Variants in STIM2 observed in about 807,000 individuals in gnomAD.
STIM2 encodes stromal interaction molecule 2.
A neutral mutation model predicts 85.8 loss-of-function variants in STIM2; 31 were observed. The ratio of observed to expected loss-of-function variants is 0.36; its 90% confidence interval spans 0.27 to 0.49. The LOEUF (loss-of-function observed/expected upper bound fraction) is 0.49, where lower values mean the gene tolerates loss of function less well. STIM2 is among the 20% of genes least tolerant of loss of function. The pLI, the probability that STIM2 is intolerant of heterozygous loss-of-function variation, is 0.98. For synonymous variants in STIM2, 356 were observed against 331.1 expected, an observed-to-expected ratio of 1.08 and a Z score of -0.82; for missense variants, 841 against 927.6, an observed-to-expected ratio of 0.91 and a Z score of 1.21.
At chr4:26,976,797 C>G (rs1298524956) in intron 3 of STIM2, among the ~76,000 whole-genome samples, 1 of 152,080 alleles carries the variant, frequency 6.6e-6, no homozygotes, top group African/African-American at 2.4e-5. Context: ...GAGTGGGACT[C>G]TGTCTCAAAA....
chr4:26,998,784 T>C (rs1234831639), intron 4 of STIM2, among the ~76,000 whole-genome samples: 1 of 151,782 alleles, frequency 6.6e-6, no homozygotes, highest in Non-Finnish European at 1.5e-5. Context: ...TGGTGGCACG[T>C]GCCTGTAGTC....
intron 2 of STIM2, among the ~76,000 whole-genome samples, chr4:26,941,459 C>T (rs1725609271): frequency 6.6e-6 from 1 of 151,994 alleles, no homozygotes; most frequent in East Asian, 1.9e-4. Context: ...AGTTACAGAG[C>T]ATATGTTTGG....
chr4:26,944,473 C>G (rs558077478), intron 2 of STIM2, among the ~76,000 whole-genome samples: 1 of 152,132 alleles, frequency 6.6e-6, no homozygotes, highest in South Asian at 2.1e-4. Context: ...TTGCTCTATT[C>G]CCACCATTGG....
At chr4:26,909,744 A>G (rs1318925400) in intron 1 of STIM2, among the ~76,000 whole-genome samples, 1 of 152,236 alleles carries the variant, frequency 6.6e-6, no homozygotes. Context: ...CACTGCGTAC[A>G]TCATAATGTT....
At chr4:26,893,179 A>G (rs1309734212) in intron 1 of STIM2, among the ~76,000 whole-genome samples, 2 of 152,212 alleles carry the variant, frequency 1.3e-5, no homozygotes. Flanking sequence ...ATGTAGTCTA[A>G]TGAATAATAA....
chr4:26,871,448 A>G (rs1253367399), intron 1 of STIM2, among the ~76,000 whole-genome samples: 4 of 152,190 alleles, frequency 2.6e-5, no homozygotes, highest in Non-Finnish European at 5.9e-5. Flanking sequence ...CTTCTGGTAA[A>G]TAACAAAATT....
Position 27,023,843 on chromosome 4 carries a change from AGCCGAGG to A in STIM2, c.*848_*854del, listed in dbSNP as rs1728996857. 6.6e-6 allele frequency: 1 copy of A among 152,642 alleles called. No homozygotes were observed. 9.5% of individuals were successfully genotyped at this position (152,642 alleles called of 1,614,324 possible). A position where few individuals can be genotyped will look rare whatever the true frequency, so the allele number is the denominator to read the frequency against. ...AGGACTTAAAACATTCACAACCTTA[AGCCGAGG>A]TGGGGGGATATGGGGATTCAGGCAA... is the stretch of plus-strand genomic sequence containing the variant. On this transcript the variant is annotated 3_prime_UTR_variant, in exon 12 of 12. Transcript: ENST00000467087.
At chr4:26,910,988 G>C (rs1054362154) in intron 1 of STIM2, among the ~76,000 whole-genome samples, 2 of 152,176 alleles carry the variant, frequency 1.3e-5, no homozygotes, top group Admixed American at 1.3e-4. Context: ...TGTAATCCCA[G>C]CACTTTGAGA....
intron 1 of STIM2, among the ~76,000 whole-genome samples, chr4:26,862,354 A>G (rs1166351782): frequency 1.3e-5 from 2 of 150,070 alleles, no homozygotes; most frequent in African/African-American, 2.5e-5. Flanking sequence ...ACTTATTTTT[A>G]AAGTAGATCT....
At chr4:26,977,279 G>C (rs1049785131) in intron 3 of STIM2, among the ~76,000 whole-genome samples, 3 of 152,182 alleles carry the variant, frequency 2.0e-5, no homozygotes, top group African/African-American at 7.2e-5. Flanking sequence ...AGAGTGGTGG[G>C]AGACAAATTG....
chr4:26,972,421 A>C (rs1726993910), intron 3 of STIM2, among the ~76,000 whole-genome samples: 1 of 152,164 alleles, frequency 6.6e-6, no homozygotes, highest in East Asian at 1.9e-4. Flanking sequence ...TTCCATTAAT[A>C]CCTAGTTTGT....
intron 11 of STIM2, 112 bp from the exon 12 acceptor site, chr4:27,022,407 T>C: frequency 1.2e-6 from 1 of 843,938 alleles, no homozygotes; most frequent in Non-Finnish European, 1.8e-6. Flanking sequence ...TCATATCATT[T>C]CCCTCTTTTA....
At chr4:26,996,893 C>T (rs191849751) in intron 4 of STIM2, among the ~76,000 whole-genome samples, 20 of 150,646 alleles carry the variant, frequency 1.3e-4, no homozygotes, top group Admixed American at 8.5e-4. Context: ...TGAGTTTTGA[C>T]AGTCAGTGTT....
At chr4:26,895,100 T>C (rs1267836092) in intron 1 of STIM2, among the ~76,000 whole-genome samples, 2 of 152,328 alleles carry the variant, frequency 1.3e-5, no homozygotes, top group East Asian at 3.9e-4. Context: ...AAATCTCAGC[T>C]ATCCAGGAGG....
At chr4:26,899,905 T>G (rs962426583) in intron 1 of STIM2, among the ~76,000 whole-genome samples, 1 of 152,204 alleles carries the variant, frequency 6.6e-6, no homozygotes, top group African/African-American at 2.4e-5. Context: ...TTGAGCTAGG[T>G]TCTACTTCTG....
chr4:27,011,614 C>T (rs1194082800), intron 10 of STIM2, among the ~76,000 whole-genome samples: 1 of 152,166 alleles, frequency 6.6e-6, no homozygotes, highest in African/African-American at 2.4e-5. Context: ...CTCATCAGTA[C>T]TTGGAATAAC....
At chr4:26,927,988 G>A (rs1273345002) in intron 2 of STIM2, among the ~76,000 whole-genome samples, 2 of 151,512 alleles carry the variant, frequency 1.3e-5, no homozygotes, top group Non-Finnish European at 2.9e-5. Context: ...ACTCACAGTT[G>A]TGGAAGTTGG....
At chr4:26,957,839 G>T (rs1726308980) in intron 3 of STIM2, 113 bp downstream of exon 3, 1 of 630,690 alleles carries the variant, frequency 1.6e-6, no homozygotes, top group South Asian at 2.0e-5. Flanking sequence ...TAACATTTCT[G>T]TGAGGATATT....
At chr4:26,949,961 C>T (rs894411410) in intron 2 of STIM2, among the ~76,000 whole-genome samples, 4 of 152,156 alleles carry the variant, frequency 2.6e-5, no homozygotes, top group Non-Finnish European at 4.4e-5. Flanking sequence ...AAGAATATTT[C>T]TAAATTGTAT....
Sources: gnomAD v4.1 joint callset for allele counts (sites outside exome capture counted in the v4.1 genomes callset) on GRCh38, gnomAD v4.1.1 for gene constraint, MANE v1.5 for transcripts, NCBI Gene and HGNC (gene_info 2026-07-23, HGNC 2026-07-21) for gene names.